The following TMTC2 variants were observed in gnomAD, a reference collection of about 807,000 sequenced individuals.
The protein encoded by TMTC2 is protein O-mannosyl-transferase TMTC2.
TMTC2 carries 43 observed loss-of-function variants against 82.4 expected under a neutral mutation model. The observed-to-expected ratio is 0.52, with a 90% CI of 0.41 to 0.67. TMTC2 has a LOEUF of 0.67. Ranked by LOEUF, TMTC2 falls within the 30% of genes least tolerant of loss-of-function variation. TMTC2 has a pLI of 0.00. For synonymous variants in TMTC2, 408 were observed against 381.9 expected, an observed-to-expected ratio of 1.07 and a Z score of -0.80; for missense variants, 919 against 1,012.4, an observed-to-expected ratio of 0.91 and a Z score of 1.25.
chr12:82,747,754 T>A (rs1875764740), intron 1 of TMTC2, among the ~76,000 whole-genome samples: 1 of 152,234 alleles, frequency 6.6e-6, no homozygotes, highest in South Asian at 2.1e-4. Context: ...GTAGCTTTTT[T>A]ACTTAAATAC....
chr12:82,801,928 A>AGTT (rs1355348364), intron 1 of TMTC2, among the ~76,000 whole-genome samples: 24 of 152,246 alleles, frequency 1.6e-4, no homozygotes, highest in African/African-American at 5.5e-4. Context: ...GCTAGACATA[A>AGTT]AGATTCTCTC....
chr12:83,029,076 A>G (rs1881304039), intron 8 of TMTC2, among the ~76,000 whole-genome samples: 1 of 152,218 alleles, frequency 6.6e-6, no homozygotes, highest in South Asian at 2.1e-4. Flanking sequence ...CCTAGCTACT[A>G]GAATAATGAG....
intron 11 of TMTC2, among the ~76,000 whole-genome samples, chr12:83,083,248 A>G (rs1195806433): frequency 1.3e-5 from 2 of 152,202 alleles, no homozygotes; most frequent in African/African-American, 4.8e-5. Flanking sequence ...AGCTACATAG[A>G]CAATGAGCAG....
chr12:82,965,773 C>G, intron 6 of TMTC2, 29 bp downstream of exon 6: 1 of 1,612,046 alleles, frequency 6.2e-7, no homozygotes, highest in Non-Finnish European at 8.5e-7. Context: ...TGTCCTTTTC[C>G]CTCCCCCTTG....
chr12:82,694,624 T>C (rs1872712902), intron 1 of TMTC2, among the ~76,000 whole-genome samples: 1 of 152,212 alleles, frequency 6.6e-6, no homozygotes, highest in South Asian at 2.1e-4. Context: ...CTAAATTACA[T>C]GATTTCTGAA....
At chr12:83,080,851 A>G (rs1045919271) in intron 11 of TMTC2, among the ~76,000 whole-genome samples, 5 of 152,172 alleles carry the variant, frequency 3.3e-5, no homozygotes, top group African/African-American at 7.2e-5. Flanking sequence ...CCTTGAATAT[A>G]TGCCTATAAC....
At chr12:82,976,806 G>C (rs11115505) in intron 7 of TMTC2, among the ~76,000 whole-genome samples, 6,126 of 152,082 alleles carry the variant, frequency 0.04, 163 homozygotes, top group Non-Finnish European at 0.058. Flanking sequence ...TCTCAACACT[G>C]TGAAGTAAAA....
At chr12:82,705,020 G>C (rs1873279341) in intron 1 of TMTC2, among the ~76,000 whole-genome samples, 1 of 152,166 alleles carries the variant, frequency 6.6e-6, no homozygotes, top group African/African-American at 2.4e-5. Context: ...AAAAAGGAAT[G>C]AATTAATGGC....
intron 11 of TMTC2, among the ~76,000 whole-genome samples, chr12:83,125,777 T>A (rs1366756473): frequency 6.6e-6 from 1 of 152,200 alleles, no homozygotes; most frequent in Non-Finnish European, 1.5e-5. Flanking sequence ...TCACACTATT[T>A]TTGCAACTTT....
intron 10 of TMTC2, among the ~76,000 whole-genome samples, chr12:83,056,246 A>T (rs761005354): frequency 7.2e-5 from 11 of 151,894 alleles, no homozygotes; most frequent in Non-Finnish European, 1.5e-4. Flanking sequence ...TATCATCATG[A>T]TTTAGTCTCT....
intron 1 of TMTC2, among the ~76,000 whole-genome samples, chr12:82,813,237 C>T (rs1057043785): frequency 6.6e-6 from 1 of 152,112 alleles, no homozygotes; most frequent in African/African-American, 2.4e-5. Flanking sequence ...ACTCACTACT[C>T]TGTAACAGCA....
intron 1 of TMTC2, among the ~76,000 whole-genome samples, chr12:82,835,757 T>C (rs187868431): frequency 2.0e-5 from 3 of 152,340 alleles, no homozygotes; most frequent in Admixed American, 2.0e-4. Context: ...TTCGCATTGA[T>C]ATGGACATTG....
At chr12:82,970,647 A>C (rs1278749387) in intron 7 of TMTC2, among the ~76,000 whole-genome samples, 1 of 152,202 alleles carries the variant, frequency 6.6e-6, no homozygotes, top group South Asian at 2.1e-4. Flanking sequence ...TAGGCTTTTA[A>C]ACTCCAAAAG....
intron 11 of TMTC2, among the ~76,000 whole-genome samples, chr12:83,077,901 T>TTTTTTTTTTTTTTC (rs1565879959): frequency 7.1e-6 from 1 of 141,124 alleles, no homozygotes; most frequent in Non-Finnish European, 1.6e-5. Flanking sequence ...TTTTTTTTTT[T>TTTTTTTTTTTTTTC]TTTTAACAGG....
chr12:82,978,394 T>G (rs1878772448), intron 7 of TMTC2, among the ~76,000 whole-genome samples: 1 of 151,778 alleles, frequency 6.6e-6, no homozygotes, highest in Admixed American at 6.6e-5. Context: ...CTCATTTTTC[T>G]AAAACATACA....
chr12:82,828,038 A>G (rs1946491055), intron 1 of TMTC2, among the ~76,000 whole-genome samples: 1 of 150,398 alleles, frequency 6.6e-6, no homozygotes, highest in South Asian at 2.1e-4. Context: ...AATTACAGGC[A>G]TGCGCCACCA....
At chr12:82,915,642 C>A (rs1022523133) in intron 3 of TMTC2, among the ~76,000 whole-genome samples, 1 of 152,172 alleles carries the variant, frequency 6.6e-6, no homozygotes, top group Non-Finnish European at 1.5e-5. Context: ...AAAATGGATT[C>A]TTTTTGTTCC....
chr12:83,052,066 C>T (rs959422563), intron 10 of TMTC2, among the ~76,000 whole-genome samples: 1 of 152,048 alleles, frequency 6.6e-6, no homozygotes, highest in Non-Finnish European at 1.5e-5. Flanking sequence ...TTAAATGCTT[C>T]ATTAAATGAC....
chr12:82,811,307 C>T (rs191692120), intron 1 of TMTC2, among the ~76,000 whole-genome samples: 22 of 152,178 alleles, frequency 1.4e-4, no homozygotes, highest in African/African-American at 4.6e-4. Flanking sequence ...TGAAAACGTA[C>T]TAATACAAGC....
Sources: allele counts gnomAD v4.1 joint callset (sites outside exome capture counted in the v4.1 genomes callset), GRCh38; gene constraint gnomAD v4.1.1; transcripts MANE v1.5; gene names NCBI Gene and HGNC (gene_info 2026-07-23, HGNC 2026-07-21).